The following PCGF3 variants were observed in gnomAD, a reference collection of about 807,000 sequenced individuals.
The protein encoded by PCGF3 is polycomb group ring finger 3, also known as polycomb group RING finger protein 3.
PCGF3 carries 7 observed loss-of-function variants against 33.1 expected under a neutral mutation model. The observed-to-expected ratio is 0.21, with a 90% CI of 0.12 to 0.40. PCGF3 has a LOEUF of 0.40. Ranked by LOEUF, PCGF3 falls within the 10% of genes least tolerant of loss-of-function variation. PCGF3 has a pLI of 1.00. For missense variants in PCGF3, 211 were observed against 313.3 expected, an observed-to-expected ratio of 0.67 and a Z score of 2.46; for synonymous variants, 153 against 121.3, an observed-to-expected ratio of 1.26 and a Z score of -1.72.
At position 715,293 on chromosome 4, in the gene PCGF3, TG is replaced by T. The variant is rs200386724; in HGVS notation, c.-190+9326del. ...CCCTGTAGACACTCAATGTGAGAACTGGGAGTCGGTGCTGGGACCCTGTAGA... is the reference window on the plus strand; with the variant it reads ...CCCTGTAGACACTCAATGTGAGAACTGGAGTCGGTGCTGGGACCCTGTAGA... On this transcript the variant is annotated intron_variant, in intron 1 of 10. Coordinates refer to ENST00000362003, the Ensembl canonical transcript of PCGF3. Among the ~76,000 whole-genome samples the T allele has an allele frequency of 3.2e-3, 443 of 136,348 alleles. 3 individuals carry two copies. Among genetic ancestry groups the T allele is most frequent in the African/African-American group, 0.012 (410 of 35,166 alleles). 89.4% of individuals were successfully genotyped at this position (136,348 alleles called of 152,430 possible). A position where few individuals can be genotyped will look rare whatever the true frequency, so the allele number is the denominator to read the frequency against.
intron 8 of PCGF3, among the ~76,000 whole-genome samples, chr4:756,367 C>G (rs950335247): frequency 5.3e-5 from 8 of 151,864 alleles, no homozygotes; most frequent in African/African-American, 1.9e-4. Flanking sequence ...CACGCACCAC[C>G]ATGCCCAGCT....
intron 1 of PCGF3, among the ~76,000 whole-genome samples, chr4:715,533 T>C (rs1322012937): frequency 7.1e-6 from 1 of 141,304 alleles, no homozygotes; most frequent in African/African-American, 2.6e-5. Flanking sequence ...GCTGGGACCC[T>C]GTAGACACTG....
chr4:750,270 G>T (rs1744454816), intron 8 of PCGF3, among the ~76,000 whole-genome samples: 1 of 152,182 alleles, frequency 6.6e-6, no homozygotes, highest in Admixed American at 6.5e-5. Context: ...TGAGTAACGT[G>T]GCCTTTTTGG....
At chr4:747,806 C>T (rs892040368) in intron 8 of PCGF3, among the ~76,000 whole-genome samples, 6 of 152,166 alleles carry the variant, frequency 3.9e-5, no homozygotes, top group Non-Finnish European at 7.4e-5. Context: ...AGAAACCTTC[C>T]CTGGGGATGA....
At chr4:728,569 C>T (rs886665002) in intron 1 of PCGF3, among the ~76,000 whole-genome samples, 2 of 152,208 alleles carry the variant, frequency 1.3e-5, no homozygotes, top group Non-Finnish European at 2.9e-5. Context: ...GTATCAGCGG[C>T]GTCCTGGAAC....
intron 1 of PCGF3, among the ~76,000 whole-genome samples, chr4:719,667 A>C (rs566192079): frequency 6.6e-6 from 1 of 152,200 alleles, no homozygotes; most frequent in Non-Finnish European, 1.5e-5. Context: ...TGAGGGCTAC[A>C]GTGGAGCTGG....
chr4:765,817 G>A (rs995861753), intron 10 of PCGF3, among the ~76,000 whole-genome samples: 6 of 152,186 alleles, frequency 3.9e-5, no homozygotes, highest in Admixed American at 3.3e-4. Context: ...TGGGTCACCT[G>A]GGGCCAGGGG....
At chr4:729,429 A>AAAT (rs1213489726) in intron 1 of PCGF3, among the ~76,000 whole-genome samples, 1 of 148,588 alleles carries the variant, frequency 6.7e-6, no homozygotes, top group African/African-American at 2.4e-5. Context: ...AAAAAAAAAG[A>AAAT]AATAATAATA....
chr4:768,985 C>T (rs75002990), exon 11 of PCGF3: 2 of 152,742 alleles, frequency 1.3e-5, no homozygotes, highest in East Asian at 3.9e-4. Context: ...GATGGAATTC[C>T]AAAATATGTA....
chr4:755,547 C>T (rs1560215509), intron 8 of PCGF3, among the ~76,000 whole-genome samples: 1 of 152,196 alleles, frequency 6.6e-6, no homozygotes, highest in African/African-American at 2.4e-5. Flanking sequence ...TAAAATTTGA[C>T]ATAATTAAAT....
chr4:722,788 T>A (rs34667027), intron 1 of PCGF3, among the ~76,000 whole-genome samples: 6 of 19,030 alleles, frequency 3.2e-4, no homozygotes, highest in Admixed American at 9.6e-4. Flanking sequence ...CACACTCGCG[T>A]CATCGCCATC....
intron 4 of PCGF3, chr4:734,590 G>T: frequency 8.6e-7 from 1 of 1,168,212 alleles, no homozygotes; most frequent in Non-Finnish European, 1.1e-6. Flanking sequence ...TCATCTTTTA[G>T]GACAAAGTAT....
At chr4:730,452 C>T (rs1743505370) in intron 1 of PCGF3, among the ~76,000 whole-genome samples, 178 bp from the exon 2 acceptor site, 1 of 152,180 alleles carries the variant, frequency 6.6e-6, no homozygotes, top group Non-Finnish European at 1.5e-5. Context: ...CCGACAGGCA[C>T]CGAGACCAGC....
At chr4:730,414 G>A (rs1235606389) in intron 1 of PCGF3, among the ~76,000 whole-genome samples, 1 of 152,032 alleles carries the variant, frequency 6.6e-6, no homozygotes, top group South Asian at 2.1e-4. Flanking sequence ...TGCTGTCTCC[G>A]ATGCCTTGGG....
At chr4:736,885 T>C (rs58646612) in intron 5 of PCGF3, among the ~76,000 whole-genome samples, 1 of 71,892 alleles carries the variant, frequency 1.4e-5, no homozygotes, top group African/African-American at 5.3e-5. Flanking sequence ...GCGGGGAACC[T>C]GGGGTGTCTG....
rs75670083 is a variant in PCGF3, at chr4:727,794, A to C, written c.-189-2836A>C. Among the ~76,000 whole-genome samples the C allele has an allele frequency of 7.5e-4, 114 of 152,016 alleles. 1 individual carries two copies. In the East Asian group the frequency reaches 0.02, roughly 27 times the overall value. ...CACCTCTGTGTTTCCTGGTGAGGTT[A>C]ACGTTGAGTTCTTTCCGTCTGCCAT... On this transcript the variant is annotated intron_variant, in intron 1 of 10. Transcript: ENST00000362003.
chr4:724,297 C>T (rs569548214), intron 1 of PCGF3, among the ~76,000 whole-genome samples: 73 of 152,308 alleles, frequency 4.8e-4, no homozygotes, highest in African/African-American at 1.5e-3. Context: ...TTTCCACACC[C>T]GAGTCCGTCC....
At chr4:740,523 T>C (rs1447727060) in intron 6 of PCGF3, among the ~76,000 whole-genome samples, 1 of 152,146 alleles carries the variant, frequency 6.6e-6, no homozygotes, top group Non-Finnish European at 1.5e-5. Context: ...CCGTTCCTGG[T>C]GAGGGCTGTG....
intron 1 of PCGF3, among the ~76,000 whole-genome samples, chr4:727,581 T>A (rs1743384895): frequency 6.6e-6 from 1 of 152,190 alleles, no homozygotes; most frequent in African/African-American, 2.4e-5. Flanking sequence ...AATTATTTTG[T>A]CAAATGATTT....
Sources: gnomAD v4.1 joint callset for allele counts (sites outside exome capture counted in the v4.1 genomes callset) on GRCh38, gnomAD v4.1.1 for gene constraint, MANE v1.5 for transcripts, NCBI Gene and HGNC (gene_info 2026-07-23, HGNC 2026-07-21) for gene names.